The following CLPB variants were observed in gnomAD, a reference collection of about 807,000 sequenced individuals.
CLPB encodes ClpB family mitochondrial disaggregase, also known as mitochondrial disaggregase.
A neutral mutation model predicts 78.4 loss-of-function variants in CLPB; 40 were observed. The ratio of observed to expected loss-of-function variants is 0.51; its 90% CI spans 0.40 to 0.66. The LOEUF (loss-of-function observed/expected upper bound fraction) is 0.66. Among genes scored for constraint, CLPB ranks in the 30% least tolerant of loss-of-function variants. The pLI, the probability that CLPB is intolerant of heterozygous loss-of-function variation, is 0.00. For missense variants in CLPB, 780 were observed against 886.9 expected, an observed-to-expected ratio of 0.88 and a Z score of 1.53; for synonymous variants, 333 against 348.0, an observed-to-expected ratio of 0.96 and a Z score of 0.48.
chr11:72,390,208 C>T (rs188089621), intron 3 of CLPB, among the ~76,000 whole-genome samples: 35 of 152,024 alleles, frequency 2.3e-4, no homozygotes, highest in African/African-American at 8.0e-4. Flanking sequence ...GAGGCTGAGG[C>T]GAGCAGATCA....
rs146124780 is a variant in CLPB at position 72,389,475 on chromosome 11, T to A, written c.543-9091A>T. 2.9e-4 allele frequency among the ~76,000 whole-genome samples: 44 copies of A among 152,290 alleles called. No homozygotes were observed. The East Asian group carries it at 8.1e-3, about 28-fold the overall frequency. ...TTAAATTTGAGTAGCTGGTACCACATGGGCTGTGGTATAAGGCTAGGTCTT... is the reference window on the plus strand; with the variant it reads ...TTAAATTTGAGTAGCTGGTACCACAAGGGCTGTGGTATAAGGCTAGGTCTT... On this transcript the variant is annotated intron_variant, in intron 3 of 15. Coordinates refer to ENST00000538039, the MANE Select transcript of CLPB (RefSeq NM_001258392.3).
In CLPB at chr11:72,294,626, G is replaced by A; in HGVS notation, c.1554C>T (p.Ile518=). The A allele has an allele frequency of 1.2e-6, 2 of 1,613,922 alleles. No homozygotes were observed. Among genetic ancestry groups the A allele is most frequent in the African/African-American group, 1.3e-5 (1 of 75,046 alleles). The change falls in exon 13 of 16, where the codon ATC becomes ATT. Residue 518 remains isoleucine (I), a synonymous_variant. Transcript: ENST00000538039. ...KNFKENVIRP[I]LKAHFRRDEF... ...GCCAAGAAAGACCTCTTACTTTCAG[G>A]ATAGGGCGAATCACATTCTCCTTGA...
intron 5 of CLPB, chr11:72,356,879 C>A (rs1161380400): frequency 6.6e-6 from 1 of 152,258 alleles, no homozygotes; most frequent in African/African-American, 2.4e-5. Flanking sequence ...TGGACAATAG[C>A]TGGGAGTATT....
At chr11:72,302,177 A>G in intron 10 of CLPB, 127 bp downstream of exon 10, 2 of 1,064,916 alleles carry the variant, frequency 1.9e-6, no homozygotes, top group South Asian at 1.4e-5. Context: ...ACCCTGCTGC[A>G]CACCTGTGCT....
intron 6 of CLPB, 40 bp downstream of exon 6, chr11:72,329,667 A>G: frequency 7.5e-7 from 1 of 1,340,044 alleles, no homozygotes; most frequent in Non-Finnish European, 1.1e-6. Flanking sequence ...TAAATGATGC[A>G]TGGAGTACCC....
intron 2 of CLPB, chr11:72,408,325 G>T: frequency 1.3e-6 from 1 of 751,524 alleles, no homozygotes; most frequent in Admixed American, 2.5e-5. Flanking sequence ...CAAGGTGGTC[G>T]TAAGGATTAA....
chr11:72,287,606 A>G lies in CLPB; in HGVS notation c.*5761T>C, dbSNP rs1296397049. ...AGGATTACAGGTGTGGGCCACCACC[A>G]TGCCTGGCCATCAATCTTTTACAAG... On this transcript the variant is annotated 3_prime_UTR_variant, in exon 16 of 16. Coordinates refer to ENST00000538039, the MANE Select transcript of CLPB (RefSeq NM_001258392.3). 1 of 152,222 alleles carries G rather than the reference A, an allele frequency of 6.6e-6. No individual in the cohort carries two copies. The highest frequency in any genetic ancestry group is 1.5e-5 in the Non-Finnish European group (1 of 68,042). 9.4% of individuals were successfully genotyped at this position (152,222 alleles called of 1,614,324 possible).
chr11:72,323,856 G>T (rs1950087228), intron 6 of CLPB, among the ~76,000 whole-genome samples: 1 of 152,032 alleles, frequency 6.6e-6, no homozygotes, highest in Non-Finnish European at 1.5e-5. Context: ...GGTTCTGTAA[G>T]AAAATGTCAT....
At chr11:72,327,667 G>A (rs1950154361) in intron 6 of CLPB, among the ~76,000 whole-genome samples, 1 of 152,176 alleles carries the variant, frequency 6.6e-6, no homozygotes, top group Middle Eastern at 3.2e-3. Flanking sequence ...CCAAGTCTAG[G>A]GCTGGTCTCT....
chr11:72,293,438 T>C lies in CLPB; in HGVS notation c.1963A>G (p.Lys655Glu). The C allele has an allele frequency of 6.2e-7, 1 of 1,614,156 alleles. No homozygotes were observed. The highest frequency in any genetic ancestry group is 8.5e-7 in the Non-Finnish European group (1 of 1,180,018). The change falls in exon 16 of 16, where the codon AAG becomes GAG. Residue 655 changes from lysine to glutamate, a missense_variant. By Grantham distance (56) the Lys-to-Glu change is moderately conservative (BLOSUM62 1). This residue lies in a region of CLPB where 272 missense variants were observed against 304.0 expected (regional missense o/e 0.89). Transcript: ENST00000538039. ...LPKLRLEIIDKDSKTRRLDIR... is the reference protein window; with the variant it reads ...LPKLRLEIIDEDSKTRRLDIR... ...TCCAGTCTGCGAGTCTTGCTGTCCTTGTCGATGATCTCCAGACGCAGCTTG... is the reference window on the plus strand; with the variant it reads ...TCCAGTCTGCGAGTCTTGCTGTCCTCGTCGATGATCTCCAGACGCAGCTTG...
intron 2 of CLPB, among the ~76,000 whole-genome samples, chr11:72,417,461 G>A (rs968507825): frequency 2.6e-5 from 4 of 152,092 alleles, no homozygotes; most frequent in African/African-American, 7.2e-5. Context: ...ACTACTATTG[G>A]AACCAGAGTT....
intron 5 of CLPB, among the ~76,000 whole-genome samples, chr11:72,342,306 A>T (rs1184650278): frequency 6.6e-6 from 1 of 152,222 alleles, no homozygotes; most frequent in Non-Finnish European, 1.5e-5. Context: ...ATATTCAAAC[A>T]TAACAGAGTT....
chr11:72,318,964 T>A (rs986137802), intron 6 of CLPB, among the ~76,000 whole-genome samples: 2 of 152,140 alleles, frequency 1.3e-5, no homozygotes, highest in Non-Finnish European at 2.9e-5. Context: ...GTGAGATGCA[T>A]ACATACTGGC....
At chr11:72,373,275 A>G (rs937288862) in intron 4 of CLPB, among the ~76,000 whole-genome samples, 1 of 152,234 alleles carries the variant, frequency 6.6e-6, no homozygotes, top group African/African-American at 2.4e-5. Flanking sequence ...GAGGCACTCA[A>G]AATGCTTGCT....
chr11:72,375,211 C>T (rs1854649443), intron 4 of CLPB, among the ~76,000 whole-genome samples: 1 of 152,170 alleles, frequency 6.6e-6, no homozygotes, highest in Non-Finnish European at 1.5e-5. Flanking sequence ...AGAACCATTG[C>T]TAATCTTTCC....
At chr11:72,393,222 C>T (rs1855305731) in intron 3 of CLPB, among the ~76,000 whole-genome samples, 1 of 152,080 alleles carries the variant, frequency 6.6e-6, no homozygotes, top group Non-Finnish European at 1.5e-5. Flanking sequence ...ATATGGTCAC[C>T]AAACCTAAGG....
At chr11:72,314,167 G>A (rs544821348) in intron 7 of CLPB, among the ~76,000 whole-genome samples, 3 of 152,194 alleles carry the variant, frequency 2.0e-5, no homozygotes, top group Non-Finnish European at 2.9e-5. Flanking sequence ...TGGAATATGC[G>A]TCATACTCTG....
chr11:72,387,502 G>A (rs1292028881), intron 3 of CLPB, among the ~76,000 whole-genome samples: 2 of 150,750 alleles, frequency 1.3e-5, no homozygotes, highest in Admixed American at 1.3e-4. Flanking sequence ...AGCACAGAGA[G>A]ACCTGTGTTC....
chr11:72,290,404 G>A lies in CLPB; in HGVS notation c.*2963C>T, dbSNP rs184311763. 4 of 152,270 alleles carry A rather than the reference G, an allele frequency of 2.6e-5. No individual in the cohort carries two copies. Among genetic ancestry groups the A allele is most frequent in the African/African-American group, 9.6e-5 (4 of 41,548 alleles). 9.4% of individuals were successfully genotyped at this position (152,270 alleles called of 1,614,324 possible). On this transcript the variant is annotated 3_prime_UTR_variant, in exon 16 of 16. Transcript: ENST00000538039. Reference sequence around the variant, plus strand: ...GGAAAAGGGACAGCTCTTCCTTATAGTAGAATACCAATTAATAAATACAGG... The same window carrying A: ...GGAAAAGGGACAGCTCTTCCTTATAATAGAATACCAATTAATAAATACAGG...
Sources: gnomAD v4.1 joint callset for allele counts (sites outside exome capture counted in the v4.1 genomes callset) on GRCh38, gnomAD v4.1.1 for gene constraint, gnomAD v4.1.1 regional missense constraint, MANE v1.5 for transcripts, NCBI Gene and HGNC (gene_info 2026-07-23, HGNC 2026-07-21) for gene names.